ACOT12: variants seen among roughly 807,000 people sequenced by gnomAD.
ACOT12 encodes acetyl-coenzyme A thioesterase.
Under a neutral mutation model 67.7 loss-of-function variants are expected in ACOT12, and 51 were observed. The ratio of observed to expected loss-of-function variants is 0.75; its 90% CI spans 0.60 to 0.95. ACOT12 has a LOEUF of 0.95. Among genes scored for constraint, ACOT12 ranks in the 40% least tolerant of loss-of-function variants. ACOT12 has a pLI of 0.00. For missense variants in ACOT12, 734 were observed against 708.1 expected (o/e 1.04, Z -0.41); for synonymous variants, 251 against 244.6 (o/e 1.03, Z -0.24).
At chr5:81,387,532 CTTTTTTTTT>C (rs71000823) in intron 1 of ACOT12, among the ~76,000 whole-genome samples, 1 of 127,274 alleles carries the variant, frequency 7.9e-6, no homozygotes, top group South Asian at 2.6e-4. Flanking sequence ...TCTTGAGTAT[CTTTTTTTTT>C]TTTTTTTTTT....
chr5:81,319,770 C>T, the ACOT12 span, among the ~76,000 whole-genome samples: 1 of 151,962 alleles, frequency 6.6e-6, no homozygotes, highest in Non-Finnish European at 1.5e-5. Context: ...CCTTCCTATC[C>T]CCCAATGCTC....
chr5:81,375,601 T>C lies in ACOT12; in HGVS notation c.198-3791A>G, dbSNP rs150266898. Among the ~76,000 whole-genome samples the C allele has an allele frequency of 3.5e-3, 525 of 151,492 alleles. 3 individuals carry two copies. Among genetic ancestry groups the C allele is most frequent in the African/African-American group, 0.012 (506 of 41,198 alleles). ...CTGTATTCAGGAGACCCATCTCCCGTGCAAAGACATACATAGGCTCAAAAT... is the reference window on the plus strand; with the variant it reads ...CTGTATTCAGGAGACCCATCTCCCGCGCAAAGACATACATAGGCTCAAAAT... On this transcript the variant is annotated intron_variant, in intron 2 of 14. Transcript: ENST00000307624.
At chr5:81,342,032 C>T (rs148837799) in intron 11 of ACOT12, among the ~76,000 whole-genome samples, 26 of 151,998 alleles carry the variant, frequency 1.7e-4, no homozygotes, top group African/African-American at 5.3e-4. Flanking sequence ...GCTCTATTGC[C>T]CAGACTGGAA....
At chr5:81,381,131 A>G (rs1382888899) in intron 2 of ACOT12, among the ~76,000 whole-genome samples, 1 of 151,666 alleles carries the variant, frequency 6.6e-6, no homozygotes, top group African/African-American at 2.4e-5. Flanking sequence ...CAGTGGTGCA[A>G]TCTTGGCTCA....
chr5:81,384,755 A>G (rs889714845), intron 2 of ACOT12, among the ~76,000 whole-genome samples: 1 of 152,182 alleles, frequency 6.6e-6, no homozygotes, highest in African/African-American at 2.4e-5. Flanking sequence ...ACATTTACAG[A>G]TGATGCTTGG....
chr5:81,333,297 TATAG>T (rs1027305563), intron 12 of ACOT12, among the ~76,000 whole-genome samples: 8 of 152,340 alleles, frequency 5.3e-5, no homozygotes, highest in African/African-American at 1.9e-4. Flanking sequence ...GGATTGTTTA[TATAG>T]ATAAAGAAAT....
At chr5:81,320,567 C>T in the ACOT12 span, among the ~76,000 whole-genome samples, 24 of 152,266 alleles carry the variant, frequency 1.6e-4, no homozygotes, top group East Asian at 5.8e-4. Context: ...CTGCTGGCAA[C>T]GGCAGAATCA....
intron 7 of ACOT12, 74 bp downstream of exon 7, chr5:81,345,811 C>T: frequency 3.8e-6 from 6 of 1,585,758 alleles, no homozygotes; most frequent in South Asian, 2.3e-5. Flanking sequence ...CCCATACTCA[C>T]CTCCAGGCTG....
chr5:81,311,954 T>A, the ACOT12 span, among the ~76,000 whole-genome samples: 6 of 151,134 alleles, frequency 4.0e-5, no homozygotes, highest in Non-Finnish European at 5.9e-5. Context: ...TTTTTTTTAT[T>A]TCACGTAGTC....
chr5:81,372,025 C>T (rs182840060), intron 2 of ACOT12, among the ~76,000 whole-genome samples: 5 of 152,148 alleles, frequency 3.3e-5, no homozygotes, highest in Non-Finnish European at 5.9e-5. Flanking sequence ...GTTAGCGGAC[C>T]ACCAATATTT....
chr5:81,327,731 G>A (rs1391434738), downstream of ACOT12, among the ~76,000 whole-genome samples: 1 of 152,182 alleles, frequency 6.6e-6, no homozygotes, highest in Non-Finnish European at 1.5e-5. Context: ...GTGAGCCACC[G>A]CGGCTGGCTG....
chr5:81,345,346 G>A (rs1216268878), intron 7 of ACOT12, among the ~76,000 whole-genome samples: 2 of 152,056 alleles, frequency 1.3e-5, no homozygotes, highest in Non-Finnish European at 2.9e-5. Flanking sequence ...ATGTGGGGGA[G>A]GGCTTAAATT....
At chr5:81,382,153 C>A (rs1365167384) in intron 2 of ACOT12, among the ~76,000 whole-genome samples, 1 of 151,998 alleles carries the variant, frequency 6.6e-6, no homozygotes, top group African/African-American at 2.4e-5. Flanking sequence ...ACCATATAAC[C>A]CTAAATTATT....
At chr5:81,347,582 A>G (rs544768582) in intron 6 of ACOT12, among the ~76,000 whole-genome samples, 192 bp downstream of exon 6, 2 of 152,360 alleles carry the variant, frequency 1.3e-5, no homozygotes, top group South Asian at 2.1e-4. Context: ...ATATTTAAAC[A>G]TTCACCTTCA....
chr5:81,332,468 T>C lies in ACOT12; in HGVS notation c.1391+9A>G, dbSNP rs1479793511. On this transcript the variant is annotated intron_variant, in intron 13 of 14. Transcript: ENST00000307624. ...ATATTAATAGAACACTTGGACTGCA[T>C]ATACTCACCCATCTTTGAGGGGTTT... 2 of 1,613,842 alleles carry C rather than the reference T, an allele frequency of 1.2e-6. No individual in the cohort carries two copies. Among genetic ancestry groups the C allele is most frequent in the Non-Finnish European group, 1.7e-6 (2 of 1,179,860 alleles).
At chr5:81,361,158 G>A (rs1759895626) in intron 4 of ACOT12, among the ~76,000 whole-genome samples, 1 of 150,694 alleles carries the variant, frequency 6.6e-6, no homozygotes, top group African/African-American at 2.4e-5. Context: ...AACTGCCCTG[G>A]ACTACCTTGT....
chr5:81,324,515 G>T, the ACOT12 span, among the ~76,000 whole-genome samples: 1 of 152,160 alleles, frequency 6.6e-6, no homozygotes, highest in African/African-American at 2.4e-5. Context: ...TAAGCCTAGA[G>T]ACATAGATGT....
At position 81,394,028 on chromosome 5, in the gene ACOT12, C is replaced by A; in HGVS notation, c.87G>T (p.Gly29=). The A allele has an allele frequency of 6.8e-7, 1 of 1,466,198 alleles. No homozygotes were observed. The highest frequency in any genetic ancestry group is 9.0e-7 in the Non-Finnish European group (1 of 1,114,404). 90.8% of individuals were successfully genotyped at this position (1,466,198 alleles called of 1,614,324 possible). The change falls in exon 1 of 15, where the codon GGG becomes GGT. Residue 29 remains glycine (G), a synonymous_variant. Transcript: ENST00000307624. ...TGGTGTCGATCCACTTGAGCAGCTG[C>A]CCCGCGCTCAGCTCGCCGCGCGCAG... The part of the protein sequence containing the change: ...HATARGELSA[G]QLLKWIDTTA...
chr5:81,337,053 C>A (rs76919372), intron 11 of ACOT12, among the ~76,000 whole-genome samples: 2,319 of 152,298 alleles, frequency 0.015, 33 homozygotes, highest in Non-Finnish European at 0.022. Flanking sequence ...GGATGGGGCT[C>A]CAGGTGGCTG....
Sources: allele counts gnomAD v4.1 joint callset (sites outside exome capture counted in the v4.1 genomes callset), GRCh38; gene constraint gnomAD v4.1.1; transcripts MANE v1.5; gene names NCBI Gene and HGNC (gene_info 2026-07-23, HGNC 2026-07-21).